SCFD2: variants seen among roughly 807,000 people sequenced by gnomAD.
The protein encoded by SCFD2 is sec1 family domain containing 2.
A neutral mutation model predicts 58.9 loss-of-function variants in SCFD2; 54 were observed. The observed-to-expected ratio is 0.92, with a 90% CI of 0.74 to 1.15. SCFD2 has a LOEUF of 1.15. Among genes scored for constraint, SCFD2 ranks in the 50% most tolerant of loss-of-function variants. The pLI, the probability that SCFD2 is intolerant of heterozygous loss-of-function variation, is 0.00. For synonymous variants in SCFD2, 321 were observed against 335.9 expected (o/e 0.96, Z 0.49); for missense variants, 805 against 836.6 (o/e 0.96, Z 0.47).
chr4:53,253,062 C>A (rs528665505), intron 4 of SCFD2, among the ~76,000 whole-genome samples: 2 of 151,994 alleles, frequency 1.3e-5, no homozygotes, highest in Admixed American at 1.3e-4. Flanking sequence ...AACAACCCCA[C>A]CAAAAAGTGG....
chr4:53,340,592 T>G (rs1577984907), intron 2 of SCFD2, among the ~76,000 whole-genome samples: 1 of 152,206 alleles, frequency 6.6e-6, no homozygotes, highest in Non-Finnish European at 1.5e-5. Context: ...TGTCACTGTC[T>G]GACAGCTTTG....
At chr4:53,134,971 TC>T (rs1419414451) in intron 5 of SCFD2, among the ~76,000 whole-genome samples, 3 of 151,828 alleles carry the variant, frequency 2.0e-5, no homozygotes, top group Admixed American at 1.3e-4. Flanking sequence ...GAAGCCTACT[TC>T]CACTTAAATG....
chr4:53,330,263 C>T (rs898257015), intron 2 of SCFD2, among the ~76,000 whole-genome samples: 1 of 151,892 alleles, frequency 6.6e-6, no homozygotes, highest in African/African-American at 2.4e-5. Flanking sequence ...AGATACTCCT[C>T]AAGAAGAGCA....
intron 4 of SCFD2, among the ~76,000 whole-genome samples, chr4:53,262,392 A>C (rs1042432279): frequency 6.6e-6 from 1 of 152,134 alleles, no homozygotes; most frequent in African/African-American, 2.4e-5. Context: ...GGTGTATCAC[A>C]AAAATTTGTT....
intron 5 of SCFD2, among the ~76,000 whole-genome samples, chr4:53,068,249 C>T (rs528093434): frequency 1.3e-4 from 20 of 152,094 alleles, no homozygotes; most frequent in Non-Finnish European, 2.2e-4. Context: ...CTGACCCACT[C>T]CACAGTTTCT....
intron 5 of SCFD2, among the ~76,000 whole-genome samples, chr4:53,122,620 C>G (rs531612884): frequency 6.6e-6 from 1 of 152,278 alleles, no homozygotes; most frequent in African/African-American, 2.4e-5. Context: ...ACATAAAGAA[C>G]TCGGACTTCG....
intron 5 of SCFD2, among the ~76,000 whole-genome samples, chr4:53,135,243 C>CG (rs1725901588): frequency 6.6e-6 from 1 of 152,098 alleles, no homozygotes; most frequent in Non-Finnish European, 1.5e-5. Flanking sequence ...ATGCCTAAGG[C>CG]GGGGGCTCTA....
At chr4:52,987,147 G>A (rs890542248) in intron 5 of SCFD2, among the ~76,000 whole-genome samples, 1 of 152,128 alleles carries the variant, frequency 6.6e-6, no homozygotes, top group Admixed American at 6.5e-5. Flanking sequence ...TCCTGCCTTA[G>A]CCTCCTGAAC....
intron 5 of SCFD2, among the ~76,000 whole-genome samples, chr4:52,987,062 C>T (rs188617561): frequency 1.6e-4 from 24 of 152,276 alleles, no homozygotes; most frequent in Admixed American, 1.6e-3. Flanking sequence ...CGGAGTCTCG[C>T]TCCGTCGCCC....
intron 5 of SCFD2, among the ~76,000 whole-genome samples, chr4:52,986,152 G>T (rs922191505): frequency 1.3e-5 from 2 of 151,920 alleles, no homozygotes; most frequent in Non-Finnish European, 2.9e-5. Context: ...GAGCCTCTTT[G>T]CCCCGTGAGA....
At chr4:52,932,041 C>T (rs1026620906) in intron 5 of SCFD2, among the ~76,000 whole-genome samples, 1 of 152,176 alleles carries the variant, frequency 6.6e-6, no homozygotes, top group East Asian at 1.9e-4. Flanking sequence ...TGAAGGATGA[C>T]ATCAGGTACA....
At chr4:52,874,912 A>G (rs1718435864) in intron 8 of SCFD2, among the ~76,000 whole-genome samples, 1 of 152,226 alleles carries the variant, frequency 6.6e-6, no homozygotes, top group Non-Finnish European at 1.5e-5. Context: ...ACTCATAACG[A>G]TGATGGGAAT....
intron 5 of SCFD2, among the ~76,000 whole-genome samples, chr4:53,027,827 C>T (rs1577669699): frequency 6.6e-6 from 1 of 151,636 alleles, no homozygotes; most frequent in African/African-American, 2.4e-5. Flanking sequence ...GACCCCATCT[C>T]TAAATAAATA....
At chr4:53,034,241 T>C (rs1357322632) in intron 5 of SCFD2, among the ~76,000 whole-genome samples, 5 of 151,984 alleles carry the variant, frequency 3.3e-5, no homozygotes, top group African/African-American at 1.2e-4. Context: ...TCTCAATAGA[T>C]ATGCAGAAAA....
At chr4:53,232,882 G>A (rs915960865) in intron 4 of SCFD2, among the ~76,000 whole-genome samples, 14 of 152,138 alleles carry the variant, frequency 9.2e-5, no homozygotes, top group African/African-American at 3.4e-4. Flanking sequence ...TCAAAGTAAA[G>A]AATGAGAAGA....
intron 4 of SCFD2, among the ~76,000 whole-genome samples, chr4:53,179,303 C>G (rs944374743): frequency 2.0e-5 from 3 of 152,084 alleles, no homozygotes; most frequent in Admixed American, 2.0e-4. Context: ...GCTGATCGCT[C>G]GGCAGAAACT....
intron 5 of SCFD2, chr4:52,945,507 T>TGACGAGGATATG (rs1291081368): frequency 6.6e-6 from 1 of 152,196 alleles, no homozygotes; most frequent in African/African-American, 2.4e-5. Context: ...ATGAGGATGT[T>TGACGAGGATATG]AACACTGACC....
At chr4:53,350,753 A>G (rs1308809358) in intron 2 of SCFD2, among the ~76,000 whole-genome samples, 1 of 152,224 alleles carries the variant, frequency 6.6e-6, no homozygotes, top group Non-Finnish European at 1.5e-5. Flanking sequence ...TCTGTTGCCC[A>G]GGCTGGAGTG....
chr4:52,893,998 A>C (rs1403078861), intron 7 of SCFD2, among the ~76,000 whole-genome samples: 3 of 152,120 alleles, frequency 2.0e-5, no homozygotes, highest in Non-Finnish European at 4.4e-5. Flanking sequence ...CAATGGAAAG[A>C]CTTTTAACTT....
Sources: gnomAD v4.1 joint callset for allele counts (sites outside exome capture counted in the v4.1 genomes callset) on GRCh38, gnomAD v4.1.1 for gene constraint, MANE v1.5 for transcripts, NCBI Gene and HGNC (gene_info 2026-07-23, HGNC 2026-07-21) for gene names.